Variants in TCEA1 observed in about 807,000 individuals in gnomAD.
TCEA1 encodes the protein transcription elongation factor A protein 1.
TCEA1 carries 21 observed loss-of-function variants against 43.8 expected under a neutral mutation model. That is an observed-to-expected ratio of 0.48 (90% CI 0.34 to 0.69). The LOEUF (loss-of-function observed/expected upper bound fraction) is 0.69, where lower values mean the gene tolerates loss of function less well. TCEA1 is among the 30% of genes least tolerant of loss of function. TCEA1 has a pLI of 0.01. For missense variants in TCEA1, 250 were observed against 365.1 expected, an observed-to-expected ratio of 0.68 and a Z score of 2.57; for synonymous variants, 104 against 117.5, an observed-to-expected ratio of 0.88 and a Z score of 0.75.
At chr8:54,019,268 C>G (rs1389769007) in intron 1 of TCEA1, among the ~76,000 whole-genome samples, 1 of 152,118 alleles carries the variant, frequency 6.6e-6, no homozygotes, top group Non-Finnish European at 1.5e-5. Context: ...AACTATTACT[C>G]TTCAAAGTTA....
chr8:53,977,900 CTTAAA>C (rs939681412), intron 8 of TCEA1, among the ~76,000 whole-genome samples: 4 of 152,068 alleles, frequency 2.6e-5, no homozygotes, highest in Admixed American at 2.6e-4. Flanking sequence ...AAGAACTTTC[CTTAAA>C]TTATATAGTC....
intron 8 of TCEA1, chr8:53,972,186 G>C (rs1803177235): frequency 3.5e-5 from 11 of 316,768 alleles, no homozygotes; most frequent in South Asian, 3.2e-4. Flanking sequence ...TGACAAAGAT[G>C]CTCTAAAGGA....
intron 2 of TCEA1, chr8:54,002,877 A>G (rs780722485): frequency 4.2e-5 from 19 of 456,166 alleles, no homozygotes; most frequent in South Asian, 2.9e-4. Context: ...AGGTATACAG[A>G]AAGAAAGACA....
At chr8:53,973,336 A>T (rs1339771378) in intron 8 of TCEA1, 1 of 531,650 alleles carries the variant, frequency 1.9e-6, no homozygotes, top group Non-Finnish European at 3.5e-6. Context: ...AGGAAAGGAT[A>T]AACTGACCCC....
At chr8:54,021,940 C>T (rs949391681) in intron 1 of TCEA1, 123 bp downstream of exon 1, 2 of 986,568 alleles carry the variant, frequency 2.0e-6, no homozygotes, top group Non-Finnish European at 2.7e-6. Context: ...GCGGGCGCGG[C>T]GGGCCCGGCT....
At chr8:53,991,687 T>C (rs1011641092) in intron 4 of TCEA1, among the ~76,000 whole-genome samples, 1 of 151,450 alleles carries the variant, frequency 6.6e-6, no homozygotes, top group Non-Finnish European at 1.5e-5. Flanking sequence ...AGAGTGAAAC[T>C]CTGTCTCAAA....
At chr8:53,974,545 G>T (rs1288529712) in intron 8 of TCEA1, among the ~76,000 whole-genome samples, 1 of 141,026 alleles carries the variant, frequency 7.1e-6, no homozygotes, top group Non-Finnish European at 1.6e-5. Flanking sequence ...GGGTGGGGGG[G>T]GGACGGAGTT....
intron 7 of TCEA1, among the ~76,000 whole-genome samples, chr8:53,979,773 G>A (rs1206303526): frequency 6.6e-6 from 1 of 152,112 alleles, no homozygotes; most frequent in East Asian, 1.9e-4. Context: ...GCTCCTATAG[G>A]TAACATTATT....
intron 2 of TCEA1, among the ~76,000 whole-genome samples, chr8:54,001,597 G>A (rs1358800313): frequency 1.3e-5 from 2 of 152,098 alleles, no homozygotes; most frequent in Non-Finnish European, 2.9e-5. Context: ...TTATTAGTGT[G>A]GTTCTGAAGC....
intron 9 of TCEA1, among the ~76,000 whole-genome samples, chr8:53,969,963 A>T (rs572154195): frequency 3.1e-4 from 47 of 152,320 alleles, no homozygotes; most frequent in African/African-American, 1.1e-3. Context: ...AGCAGTGCTC[A>T]TCTGTAATTT....
At chr8:54,000,186 A>G in intron 2 of TCEA1, 136 bp from the exon 3 acceptor site, 2 of 575,140 alleles carry the variant, frequency 3.5e-6, no homozygotes, top group Non-Finnish European at 6.1e-6. Flanking sequence ...GATCCTTATA[A>G]TAGCAAATTA....
At chr8:53,987,318 C>G (rs1258833486) in intron 5 of TCEA1, among the ~76,000 whole-genome samples, 1 of 152,190 alleles carries the variant, frequency 6.6e-6, no homozygotes, top group Non-Finnish European at 1.5e-5. Flanking sequence ...TCTGGCTGCT[C>G]CAGCAGAGTA....
chr8:53,990,724 G>A (rs754137188), intron 4 of TCEA1, among the ~76,000 whole-genome samples: 2 of 152,146 alleles, frequency 1.3e-5, no homozygotes, highest in Non-Finnish European at 2.9e-5. Flanking sequence ...GTAGCCAAAT[G>A]CTCCACAGGA....
rs1054812114 is a variant in TCEA1 at position 53,993,708 on chromosome 8, C to G, written c.280G>C (p.Ala94Pro). Reference sequence around the variant, plus strand: ...TCAGGGCTGTTCTGCGATGTAATTGCAGGTTCTTTCTTCTTTTCGTCAAGG... The same window carrying G: ...TCAGGGCTGTTCTGCGATGTAATTGGAGGTTCTTTCTTCTTTTCGTCAAGG... ...KDLDEKKKEPAITSQNSPEAR... is the reference protein window; with the variant it reads ...KDLDEKKKEPPITSQNSPEAR... Residue 94 changes from alanine to proline, a missense_variant, in exon 4 of 10, where the codon GCA becomes CCA. Physicochemically the swap from Ala to Pro is conservative, Grantham distance 27 (BLOSUM62 -1). Around this residue, in one of 4 missense-constraint regions of TCEA1, gnomAD observed 147 missense variants for 160.3 expected, o/e 0.92. Coordinates refer to ENST00000521604, the MANE Select transcript of TCEA1 (RefSeq NM_006756.4). 1.2e-6 allele frequency: 2 copies of G among 1,613,818 alleles called. No individual in the cohort carries two copies. Among genetic ancestry groups the G allele is most frequent in the Non-Finnish European group, 1.7e-6 (2 of 1,179,842 alleles).
At chr8:53,972,053 C>T (rs528336326) in intron 8 of TCEA1, 29 of 238,556 alleles carry the variant, frequency 1.2e-4, no homozygotes, top group Admixed American at 1.1e-3. Flanking sequence ...ACTCGGGCAC[C>T]TCTGATGTGA....
rs1427310101 is a variant in TCEA1 at position 54,010,496 on chromosome 8, TAA to T, written c.64-6_64-5del. 1.9e-6 allele frequency: 3 copies of T among 1,587,908 alleles called. No individual in the cohort carries two copies. The highest frequency in any genetic ancestry group is 2.6e-6 in the Non-Finnish European group (3 of 1,168,394). On this transcript the variant is annotated splice_region_variant and splice_polypyrimidine_tract_variant and intron_variant, in intron 1 of 9. Transcript: ENST00000521604. ...TTAGCAAATCCAATGCTCCAGCCTA[TAA>T]AATAAAATAATTTCATATTGAATTC... is the stretch of plus-strand genomic sequence containing the variant.
chr8:54,005,968 T>C (rs997029060), intron 2 of TCEA1, among the ~76,000 whole-genome samples: 1 of 152,202 alleles, frequency 6.6e-6, no homozygotes, highest in African/African-American at 2.4e-5. Flanking sequence ...TCCTTTATTT[T>C]CACTTCTAAA....
intron 8 of TCEA1, 97 bp downstream of exon 8, chr8:53,978,928 G>C: frequency 7.3e-7 from 1 of 1,372,160 alleles, no homozygotes; most frequent in Admixed American, 2.4e-5. Flanking sequence ...GGATAAGTGA[G>C]GGACTATCAT....
intron 1 of TCEA1, among the ~76,000 whole-genome samples, chr8:54,015,895 A>G (rs1016488245): frequency 4.6e-5 from 7 of 152,236 alleles, no homozygotes; most frequent in Non-Finnish European, 1.0e-4. Flanking sequence ...TCTCCATAGA[A>G]GATATGCAAA....
Sources: gnomAD v4.1 joint callset for allele counts (sites outside exome capture counted in the v4.1 genomes callset) on GRCh38, gnomAD v4.1.1 for gene constraint, gnomAD v4.1.1 regional missense constraint, MANE v1.5 for transcripts, NCBI Gene and HGNC (gene_info 2026-07-23, HGNC 2026-07-21) for gene names.